EDIL3: variants seen among roughly 807,000 people sequenced by gnomAD.
EDIL3 encodes EGF like and discoidin domains 3, also known as EGF-like repeat and discoidin I-like domain-containing protein 3.
EDIL3 carries 37 observed loss-of-function variants against 67.4 expected under a neutral mutation model. That is an observed-to-expected ratio of 0.55 (90% confidence interval 0.42 to 0.72). The LOEUF (loss-of-function observed/expected upper bound fraction) is 0.72, where lower values mean the gene tolerates loss of function less well. Ranked by LOEUF, EDIL3 falls within the 30% of genes least tolerant of loss-of-function variation. The pLI is 0.00. For missense variants in EDIL3, 527 were observed against 586.3 expected, an observed-to-expected ratio of 0.90 and a Z score of 1.04; for synonymous variants, 195 against 196.3, an observed-to-expected ratio of 0.99 and a Z score of 0.05.
At chr5:84,230,763 A>ATG (rs59552122) in intron 2 of EDIL3, among the ~76,000 whole-genome samples, 3,502 of 137,216 alleles carry the variant, frequency 0.026, 57 homozygotes, top group African/African-American at 0.041. Flanking sequence ...CCACTACGTG[A>ATG]TGTGTGTGTG....
intron 1 of EDIL3, among the ~76,000 whole-genome samples, chr5:84,351,676 T>A (rs1215133344): frequency 2.0e-5 from 3 of 152,192 alleles, no homozygotes; most frequent in Non-Finnish European, 4.4e-5. Context: ...TTTCTTCATC[T>A]GCAAAGTGAG....
chr5:84,197,809 C>A (rs1228937538), intron 3 of EDIL3, among the ~76,000 whole-genome samples: 1 of 151,954 alleles, frequency 6.6e-6, no homozygotes, highest in Non-Finnish European at 1.5e-5. Flanking sequence ...TTATAACAAG[C>A]CTCACTAGGC....
At chr5:84,298,269 G>C (rs1462761093) in intron 1 of EDIL3, among the ~76,000 whole-genome samples, 4 of 152,140 alleles carry the variant, frequency 2.6e-5, no homozygotes, top group African/African-American at 9.7e-5. Flanking sequence ...AGAAAATGTG[G>C]TACGTACACA....
Position 84,384,564 on chromosome 5 carries a change from T to C in EDIL3, c.-190A>G. On this transcript the variant is annotated 5_prime_UTR_variant, in exon 1 of 11. Coordinates refer to ENST00000296591, the MANE Select transcript of EDIL3 (RefSeq NM_005711.5). ...AGAGTGGTGACTAAAGAGAGGAGCC[T>C]TTCCTCCCCTTTTGCCTGCGCTCCG... 3 of 479,988 alleles carry C rather than the reference T, an allele frequency of 6.3e-6. No individual in the cohort carries two copies. The highest frequency in any genetic ancestry group is 8.3e-5 in the South Asian group (2 of 24,084). 29.7% of individuals were successfully genotyped at this position (479,988 alleles called of 1,614,324 possible). A position where few individuals can be genotyped will look rare whatever the true frequency, so the allele number is the denominator to read the frequency against.
intron 3 of EDIL3, among the ~76,000 whole-genome samples, chr5:84,215,039 A>C (rs146267330): frequency 1.3e-5 from 2 of 152,252 alleles, no homozygotes; most frequent in Non-Finnish European, 2.9e-5. Context: ...TTCTTGAATT[A>C]ATAATGCAAT....
chr5:84,015,567 C>T (rs921090477), intron 9 of EDIL3, among the ~76,000 whole-genome samples: 4 of 152,032 alleles, frequency 2.6e-5, no homozygotes, highest in African/African-American at 9.7e-5. Context: ...CTCAACAAAA[C>T]TCTCAGTATT....
At chr5:84,009,713 G>T (rs1461767289) in intron 9 of EDIL3, among the ~76,000 whole-genome samples, 2 of 152,270 alleles carry the variant, frequency 1.3e-5, no homozygotes, top group African/African-American at 4.8e-5. Context: ...CCTTTATAAT[G>T]GAGAAATGGA....
chr5:83,974,145 G>A (rs12513999), intron 9 of EDIL3, among the ~76,000 whole-genome samples: 125,537 of 151,716 alleles, frequency 0.83, 51,943 homozygotes, highest in East Asian at 0.88. Flanking sequence ...TCTTAGTTGG[G>A]TATGTGCATG....
chr5:84,346,814 T>C (rs938446338), intron 1 of EDIL3, among the ~76,000 whole-genome samples: 3 of 85,272 alleles, frequency 3.5e-5, no homozygotes, highest in African/African-American at 8.6e-5. Flanking sequence ...CCGATAATCA[T>C]CATGTTTCTG....
At chr5:84,133,464 CAAAA>C (rs5869210) in intron 5 of EDIL3, among the ~76,000 whole-genome samples, 11 of 86,526 alleles carry the variant, frequency 1.3e-4, no homozygotes, top group East Asian at 3.4e-4. Flanking sequence ...ACTAAAAATA[CAAAA>C]AAAAAAAAAA....
At position 84,351,150 on chromosome 5, in the gene EDIL3, T is replaced by A. The variant is rs149539480; in HGVS notation, c.67+33158A>T. On this transcript the variant is annotated intron_variant, in intron 1 of 10. Transcript: ENST00000296591. The stretch of plus-strand genomic sequence containing the variant: ...TTAGCTTTTTAGGGTATTAAAAAGA[T>A]GTTTATTTGTCAGCAAGGACAGATG... 4.8e-3 allele frequency among the ~76,000 whole-genome samples: 727 copies of A among 152,278 alleles called. 3 individuals carry two copies. The highest frequency in any genetic ancestry group is 7.8e-3 in the Non-Finnish European group (530 of 68,010).
intron 9 of EDIL3, among the ~76,000 whole-genome samples, chr5:84,054,221 C>T (rs1746399694): frequency 6.6e-6 from 1 of 152,166 alleles, no homozygotes; most frequent in South Asian, 2.1e-4. Context: ...ATGATTTTCT[C>T]AATAGATGCA....
At chr5:84,085,941 G>A (rs769075173) in intron 6 of EDIL3, among the ~76,000 whole-genome samples, 6 of 152,154 alleles carry the variant, frequency 3.9e-5, no homozygotes, top group Non-Finnish European at 8.8e-5. Flanking sequence ...GCTTTGCCGC[G>A]CCTCTTTGGC....
intron 3 of EDIL3, among the ~76,000 whole-genome samples, chr5:84,187,458 G>C (rs1013024410): frequency 1.3e-5 from 2 of 152,018 alleles, no homozygotes; most frequent in Non-Finnish European, 2.9e-5. Context: ...TATGTACTAG[G>C]CTTTGGTCAA....
chr5:84,023,220 TGAATA>T (rs1164682266), intron 9 of EDIL3, among the ~76,000 whole-genome samples: 1 of 151,998 alleles, frequency 6.6e-6, no homozygotes, highest in African/African-American at 2.4e-5. Context: ...TGGTATATCT[TGAATA>T]GATACAATTT....
intron 6 of EDIL3, among the ~76,000 whole-genome samples, chr5:84,070,231 G>A (rs1188213095): frequency 1.3e-5 from 2 of 152,146 alleles, no homozygotes; most frequent in South Asian, 2.1e-4. Context: ...CAAGAACCCC[G>A]GGATAGAGAA....
At chr5:84,271,577 G>A (rs1270962805) in intron 1 of EDIL3, among the ~76,000 whole-genome samples, 1 of 152,066 alleles carries the variant, frequency 6.6e-6, no homozygotes, top group Non-Finnish European at 1.5e-5. Context: ...CCCAGTCACT[G>A]ATATGTTGTA....
chr5:84,384,290 CGGG>C lies in EDIL3; in HGVS notation c.67+15_67+17del, dbSNP rs757813572. 65 of 1,605,388 alleles carry C rather than the reference CGGG, an allele frequency of 4.0e-5. No individual in the cohort carries two copies. The highest frequency in any genetic ancestry group is 3.0e-5 in the Non-Finnish European group (35 of 1,175,902). On this transcript the variant is annotated intron_variant, in intron 1 of 10. Transcript: ENST00000296591. The stretch of plus-strand genomic sequence containing the variant: ...CCAGCCCATCCCTCACCCAGCTGTC[CGGG>C]TCCCGACGCCTTACCTTTGCCGAAC...
chr5:84,041,464 C>T (rs1263780686), intron 9 of EDIL3, among the ~76,000 whole-genome samples: 2 of 151,286 alleles, frequency 1.3e-5, no homozygotes, highest in Non-Finnish European at 2.9e-5. Flanking sequence ...CCACTGAGAT[C>T]TTTAAAGCTG....
Sources: gnomAD v4.1 joint callset for allele counts (sites outside exome capture counted in the v4.1 genomes callset) on GRCh38, gnomAD v4.1.1 for gene constraint, MANE v1.5 for transcripts, NCBI Gene and HGNC (gene_info 2026-07-23, HGNC 2026-07-21) for gene names.